Variants in BRCA2 observed in about 807,000 individuals in gnomAD.
BRCA2 encodes the protein breast cancer type 2 susceptibility protein.
Under a neutral mutation model 276.7 loss-of-function variants are expected in BRCA2, and 203 were observed. That is an observed-to-expected ratio of 0.73 (90% CI 0.65 to 0.82). The LOEUF (loss-of-function observed/expected upper bound fraction) is 0.82. Ranked by LOEUF, BRCA2 falls within the 40% of genes least tolerant of loss-of-function variation. BRCA2 has a pLI of 0.00. For synonymous variants in BRCA2, 1,289 were observed against 1,338.4 expected, an observed-to-expected ratio of 0.96 and a Z score of 0.81; for missense variants, 3,920 against 3,915.0, an observed-to-expected ratio of 1.00 and a Z score of -0.03.
intron 24 of BRCA2, among the ~76,000 whole-genome samples, chr13:32,382,864 G>A (rs1430645656): frequency 2.6e-5 from 4 of 152,208 alleles, no homozygotes; most frequent in Non-Finnish European, 4.4e-5. Flanking sequence ...ATACTGTGTG[G>A]TATGGTATCT....
At chr13:32,331,252 A>G (rs917650777) in intron 9 of BRCA2, among the ~76,000 whole-genome samples, 2 of 152,108 alleles carry the variant, frequency 1.3e-5, no homozygotes, top group African/African-American at 2.4e-5. Flanking sequence ...GCATTTCACC[A>G]TGTTGGCCAG....
chr13:32,351,918 C>T (rs1239848287), intron 13 of BRCA2, among the ~76,000 whole-genome samples: 1 of 152,160 alleles, frequency 6.6e-6, no homozygotes, highest in Non-Finnish European at 1.5e-5. Flanking sequence ...TCTCCTGCTT[C>T]AGCCTCCCAA....
At chr13:32,369,249 G>C (rs868515092) in intron 18 of BRCA2, among the ~76,000 whole-genome samples, 46 of 152,104 alleles carry the variant, frequency 3.0e-4, no homozygotes, top group African/African-American at 9.2e-4. Context: ...GCAAGAATAG[G>C]GTCCTGGGTT....
rs2072762351 is a variant in BRCA2 at position 32,363,651 on chromosome 13, A to G, written c.8331+118A>G. On this transcript the variant is annotated intron_variant, in intron 18 of 26. Transcript: ENST00000380152. ...GCTCAATTTCTTAGATGTACTGATAATTTTAGTATAAAAAGCATATTCTTC... is the reference window on the plus strand; with the variant it reads ...GCTCAATTTCTTAGATGTACTGATAGTTTTAGTATAAAAAGCATATTCTTC... 4 of 965,208 alleles carry G rather than the reference A, an allele frequency of 4.1e-6. No individual in the cohort carries two copies. The East Asian group carries it at 1.0e-4, about 25-fold the overall frequency. The allele number at this position is 965,208 out of a possible 1,614,324, so 59.8% of individuals were successfully genotyped here. A position where few individuals can be genotyped will look rare whatever the true frequency, so the allele number is the denominator to read the frequency against.
Position 32,319,070 on chromosome 13 carries a change from T to G in BRCA2, c.68-7T>G. 6.2e-7 allele frequency: 1 copy of G among 1,611,602 alleles called. No homozygotes were observed. Among genetic ancestry groups the G allele is most frequent in the Non-Finnish European group, 8.5e-7 (1 of 1,178,884 alleles). ...TAAAACTAAGGTGGGATTTTTTTTT[T>G]AAATAGATTTAGGACCAATAAGTCT... On this transcript the variant is annotated splice_polypyrimidine_tract_variant and splice_region_variant and intron_variant, in intron 2 of 26. Coordinates refer to ENST00000380152, the MANE Select transcript of BRCA2 (RefSeq NM_000059.4).
rs760663398 is a variant in BRCA2 at position 32,370,959 on chromosome 13, A to G, written c.8491A>G (p.Met2831Val). 3 of 1,614,096 alleles carry G rather than the reference A, an allele frequency of 1.9e-6. No homozygotes were observed. The change falls in exon 20 of 27, where the codon ATG (methionine) becomes GTG (valine). Residue 2831 changes from methionine (M) to valine (V), a missense_variant. By Grantham distance (21) the Met-to-Val change is conservative. Coordinates refer to ENST00000380152, the MANE Select transcript of BRCA2 (RefSeq NM_000059.4). ...IIQRAYPIQW[M>V]EKTSSGLYIF... ...TGTGTGTAACACATTATTACAGTGG[A>G]TGGAGAAGACATCATCTGGATTATA...
At position 32,370,505 on chromosome 13, in the gene BRCA2, G is replaced by A. The variant is rs80359091; in HGVS notation, c.8435G>A (p.Gly2812Glu). The A allele has an allele frequency of 6.2e-6, 10 of 1,613,822 alleles. No individual in the cohort carries two copies. Among genetic ancestry groups the A allele is most frequent in the Non-Finnish European group, 8.5e-6 (10 of 1,179,836 alleles). Residue 2812 changes from glycine to glutamate, a missense_variant, in exon 19 of 27, where the codon GGA becomes GAA. By Grantham distance (98) the Gly-to-Glu change is moderately conservative (BLOSUM62 -2). Around this residue, in one of 2 missense-constraint regions of BRCA2, gnomAD observed 657 missense variants for 758.2 expected, o/e 0.87. Coordinates refer to ENST00000380152, the MANE Select transcript of BRCA2 (RefSeq NM_000059.4). ...PLPLSSLFSD[G>E]GNVGCVDVII... ...CCCTTATCATCGCTTTTCAGTGATG[G>A]AGGAAATGTTGGTTGTGTTGATGTA...
In BRCA2 at chr13:32,370,412, A is replaced by G. The variant is rs1434821822; in HGVS notation, c.8342A>G (p.Asn2781Ser). The change falls in exon 19 of 27, where the codon AAC becomes AGC. Residue 2781 changes from asparagine to serine, a missense_variant. Asn to Ser is a conservative substitution (Grantham distance 46). Coordinates refer to ENST00000380152, the MANE Select transcript of BRCA2 (RefSeq NM_000059.4). ...PESLMLKISA[N>S]STRPARWYTK... ...TATTAATTTGTCCAGATTTCTGCTA[A>G]CAGTACTCGGCCTGCTCGCTGGTAT... The G allele has an allele frequency of 1.2e-6, 2 of 1,613,602 alleles. No homozygotes were observed. Among genetic ancestry groups the G allele is most frequent in the East Asian group, 4.5e-5 (2 of 44,868 alleles).
At chr13:32,395,072 A>T (rs2073027064) in intron 25 of BRCA2, 139 bp downstream of exon 25, 1 of 1,223,146 alleles carries the variant, frequency 8.2e-7, no homozygotes, top group Non-Finnish European at 1.1e-6. Context: ...TTAATTGCCC[A>T]TGAACCTCAG....
chr13:32,386,710 C>CA (rs1386640376), intron 24 of BRCA2, among the ~76,000 whole-genome samples: 1 of 152,120 alleles, frequency 6.6e-6, no homozygotes. Flanking sequence ...AGATTAATTT[C>CA]TCCCCCCCTT....
chr13:32,385,148 G>T, intron 24 of BRCA2: 1 of 224,976 alleles, frequency 4.4e-6, no homozygotes, highest in Non-Finnish European at 9.4e-6. Context: ...GCCAAGGCCT[G>T]CTTTGAAAAG....
rs1192815704 is a variant in BRCA2, at chr13:32,326,293, T to C, written c.516+11T>C. 6 of 1,609,398 alleles carry C rather than the reference T, an allele frequency of 3.7e-6. No homozygotes were observed. The highest frequency in any genetic ancestry group is 5.1e-6 in the Non-Finnish European group (6 of 1,175,924). ...CCAAAGTTTGTGAAGGTAAATATTCTACCTGGTTTATTTTTATGACTTAGT... is the reference window on the plus strand; with the variant it reads ...CCAAAGTTTGTGAAGGTAAATATTCCACCTGGTTTATTTTTATGACTTAGT... On this transcript the variant is annotated intron_variant, in intron 6 of 26. Transcript: ENST00000380152.
chr13:32,355,157 A>G lies in BRCA2; in HGVS notation c.7304A>G (p.Gln2435Arg), dbSNP rs786202355. 6.2e-7 allele frequency: 1 copy of G among 1,613,972 alleles called. No homozygotes were observed. Among genetic ancestry groups the G allele is most frequent in the Non-Finnish European group, 8.5e-7 (1 of 1,179,882 alleles). Residue 2435 changes from glutamine (Q) to arginine (R), a missense_variant, in exon 14 of 27, where the codon CAA becomes CGA. Transcript: ENST00000380152. ...AACTTGGAGGAAAACAGACAAAAGC[A>G]AAACATTGATGGACATGGCTCTGAT... ...NINLEENRQK[Q>R]NIDGHGSDDS... is the part of the protein sequence containing the mutation.
At position 32,370,398 on chromosome 13, in the gene BRCA2, C is replaced by G. The variant is rs780602242; in HGVS notation, c.8332-4C>G. 1 of 1,611,748 alleles carries G rather than the reference C, an allele frequency of 6.2e-7. No homozygotes were observed. The highest frequency in any genetic ancestry group is 8.5e-7 in the Non-Finnish European group (1 of 1,178,024). On this transcript the variant is annotated splice_region_variant and splice_polypyrimidine_tract_variant and intron_variant, in intron 18 of 26. Transcript: ENST00000380152. ...TAAATCAATATATTTATTAATTTGT[C>G]CAGATTTCTGCTAACAGTACTCGGC...
rs80359035 is a variant in BRCA2, at chr13:32,363,211, C to T, written c.8009C>T (p.Ser2670Leu). Reference sequence around the variant, plus strand: ...ACGGAAATTGATAGAAGCAGAAGATCGGCTATAAAAAAGATAATGGAAAGG... The same window carrying T: ...ACGGAAATTGATAGAAGCAGAAGATTGGCTATAAAAAAGATAATGGAAAGG... The part of the protein sequence containing the change: ...YDTEIDRSRR[S>L]AIKKIMERDD... Residue 2670 changes from serine to leucine, a missense_variant, in exon 18 of 27, where the codon TCG becomes TTG. Physicochemically the swap from Ser to Leu is moderately radical, Grantham distance 145. Around this residue, in one of 2 missense-constraint regions of BRCA2, gnomAD observed 3,263 missense variants for 3,156.9 expected, o/e 1.03. Coordinates refer to ENST00000380152, the MANE Select transcript of BRCA2 (RefSeq NM_000059.4). 2.5e-6 allele frequency: 4 copies of T among 1,613,428 alleles called. No individual in the cohort carries two copies. The highest frequency in any genetic ancestry group is 2.2e-5 in the South Asian group (2 of 91,032).
chr13:32,381,690 G>A lies in BRCA2; in HGVS notation c.9256+1545G>A, dbSNP rs898103136. Among the ~76,000 whole-genome samples, 3 of 152,114 alleles carry A rather than the reference G, an allele frequency of 2.0e-5. No individual in the cohort carries two copies. The South Asian group carries it at 6.2e-4, about 32-fold the overall frequency. On this transcript the variant is annotated intron_variant, in intron 24 of 26. Coordinates refer to ENST00000380152, the MANE Select transcript of BRCA2 (RefSeq NM_000059.4). ...CTTCCTGTGATGACAGGAAGTCACA[G>A]GAAAATTCCAGGTAGAGGGACACTG...
chr13:32,360,702 G>A (rs1297803306), intron 16 of BRCA2, among the ~76,000 whole-genome samples: 1 of 152,154 alleles, frequency 6.6e-6, no homozygotes, highest in East Asian at 1.9e-4. Context: ...TGTTTGTTGA[G>A]GAGAGGGGCA....
chr13:32,369,376 C>G (rs760152284), intron 18 of BRCA2, among the ~76,000 whole-genome samples: 1 of 152,150 alleles, frequency 6.6e-6, no homozygotes, highest in Non-Finnish European at 1.5e-5. Context: ...TCAGCCCCAC[C>G]ATATGCTCCT....
In BRCA2 at chr13:32,370,387, T is replaced by A. The variant is rs757367840; in HGVS notation, c.8332-15T>A. 2 of 1,608,650 alleles carry A rather than the reference T, an allele frequency of 1.2e-6. No homozygotes were observed. The highest frequency in any genetic ancestry group is 2.2e-5 in the South Asian group (2 of 90,912). Reference sequence around the variant, plus strand: ...TATTTAACTACTAAATCAATATATTTATTAATTTGTCCAGATTTCTGCTAA... The same window carrying A: ...TATTTAACTACTAAATCAATATATTAATTAATTTGTCCAGATTTCTGCTAA... On this transcript the variant is annotated splice_polypyrimidine_tract_variant and intron_variant, in intron 18 of 26. Transcript: ENST00000380152.
Sources: allele counts gnomAD v4.1 joint callset (sites outside exome capture counted in the v4.1 genomes callset), GRCh38; gene constraint gnomAD v4.1.1; regional missense constraint gnomAD v4.1.1; transcripts MANE v1.5; gene names NCBI Gene and HGNC (gene_info 2026-07-23, HGNC 2026-07-21).